Variants in WDFY4 observed in about 807,000 individuals in gnomAD.
WDFY4 encodes the protein WDFY family member 4, also known as WD repeat- and FYVE domain-containing protein 4.
A neutral mutation model predicts 351.9 loss-of-function variants in WDFY4; 169 were observed. The observed-to-expected ratio is 0.48, with a 90% CI of 0.42 to 0.55. WDFY4 has a LOEUF of 0.55. Ranked by LOEUF, WDFY4 falls within the 20% of genes least tolerant of loss-of-function variation. The pLI, the probability that WDFY4 is intolerant of heterozygous loss-of-function variation, is 0.00. For missense variants in WDFY4, 3,803 were observed against 3,935.6 expected (o/e 0.97, Z 0.90); for synonymous variants, 1,622 against 1,574.6 (o/e 1.03, Z -0.71).
chr10:48,804,850 G>T (rs2067200462), intron 25 of WDFY4: 3 of 929,298 alleles, frequency 3.2e-6, no homozygotes, highest in African/African-American at 3.6e-5. Context: ...TTTGTGGTTT[G>T]GGGCGGGCAG....
intron 24 of WDFY4, among the ~76,000 whole-genome samples, chr10:48,797,053 A>C (rs1360494275): frequency 6.6e-6 from 1 of 152,220 alleles, no homozygotes; most frequent in Non-Finnish European, 1.5e-5. Flanking sequence ...TAGCCAATGT[A>C]ACACTGCAAA....
At chr10:48,755,295 A>T (rs1319203892) in intron 12 of WDFY4, among the ~76,000 whole-genome samples, 3 of 152,122 alleles carry the variant, frequency 2.0e-5, no homozygotes, top group African/African-American at 7.2e-5. Flanking sequence ...GTAGGGATGC[A>T]AATGTTTCCT....
intron 39 of WDFY4, among the ~76,000 whole-genome samples, chr10:48,832,916 G>A (rs1295911889): frequency 6.6e-6 from 1 of 152,192 alleles, no homozygotes; most frequent in African/African-American, 2.4e-5. Context: ...ACTGGAGTCA[G>A]ATGTATTCAG....
At chr10:48,856,836 G>A (rs1446797337) in intron 39 of WDFY4, among the ~76,000 whole-genome samples, 1 of 152,110 alleles carries the variant, frequency 6.6e-6, no homozygotes, top group Non-Finnish European at 1.5e-5. Flanking sequence ...ATGCAATATA[G>A]AAAAATTATG....
chr10:48,743,635 G>A, intron 12 of WDFY4, 87 bp downstream of exon 12: 1 of 1,402,072 alleles, frequency 7.1e-7, no homozygotes, highest in Non-Finnish European at 9.5e-7. Context: ...CAGTAGGAAG[G>A]CTCAGCTACA....
intron 55 of WDFY4, 191 bp from the exon 56 acceptor site, chr10:48,968,873 T>C (rs990388891): frequency 2.1e-5 from 13 of 609,482 alleles, no homozygotes; most frequent in Non-Finnish European, 3.4e-5. Flanking sequence ...GTGGGTGCTG[T>C]CCTTCTGTGC....
intron 47 of WDFY4, among the ~76,000 whole-genome samples, chr10:48,920,532 A>C (rs1388056395): frequency 6.6e-6 from 1 of 152,236 alleles, no homozygotes; most frequent in African/African-American, 2.4e-5. Flanking sequence ...ACAATTGAAA[A>C]AAAAGAAAAA....
At chr10:48,689,865 A>G (rs901913597) in intron 1 of WDFY4, among the ~76,000 whole-genome samples, 2 of 152,240 alleles carry the variant, frequency 1.3e-5, no homozygotes, top group African/African-American at 4.8e-5. Context: ...AAGATGAGAT[A>G]AGTTTCATTA....
At chr10:48,786,211 A>G (rs1589604322) in intron 19 of WDFY4, among the ~76,000 whole-genome samples, 1 of 152,166 alleles carries the variant, frequency 6.6e-6, no homozygotes, top group Non-Finnish European at 1.5e-5. Context: ...TGCTGAATTC[A>G]CTTATTCTAG....
intron 39 of WDFY4, among the ~76,000 whole-genome samples, chr10:48,864,562 A>T (rs2069472279): frequency 6.6e-6 from 1 of 152,134 alleles, no homozygotes; most frequent in African/African-American, 2.4e-5. Context: ...TTGGTTTTGG[A>T]GGTCCCTTGT....
chr10:48,849,369 A>G (rs2068882322), intron 39 of WDFY4, among the ~76,000 whole-genome samples: 1 of 152,238 alleles, frequency 6.6e-6, no homozygotes. Flanking sequence ...TCCACCAGGC[A>G]GCTTTTCCAC....
At chr10:48,871,318 GTA>G (rs1297796857) in intron 40 of WDFY4, among the ~76,000 whole-genome samples, 3 of 152,174 alleles carry the variant, frequency 2.0e-5, no homozygotes, top group African/African-American at 7.2e-5. Flanking sequence ...ATGAAGCTCC[GTA>G]TGTTACTACA....
chr10:48,931,471 A>T (rs537369500), intron 47 of WDFY4, among the ~76,000 whole-genome samples: 1 of 152,204 alleles, frequency 6.6e-6, no homozygotes, highest in Admixed American at 6.5e-5. Context: ...GCCGTGCTAT[A>T]AACAACACGT....
rs540650396 is a variant in WDFY4 at position 48,833,590 on chromosome 10, C to T, written c.6663+881C>T. 2.6e-4 allele frequency among the ~76,000 whole-genome samples: 40 copies of T among 152,238 alleles called. No homozygotes were observed. The East Asian group carries it at 3.1e-3, about 12-fold the overall frequency. On this transcript the variant is annotated intron_variant, in intron 39 of 61. Coordinates refer to ENST00000325239, the MANE Select transcript of WDFY4 (RefSeq NM_001394531.1). ...ACTCCACCTTCTCATGGGGGAGTGA[C>T]GAGGTTCTGCAGGAACATGTGGGAC...
chr10:48,834,827 A>G (rs1369882032), intron 39 of WDFY4, among the ~76,000 whole-genome samples: 2 of 152,188 alleles, frequency 1.3e-5, no homozygotes, highest in African/African-American at 4.8e-5. Flanking sequence ...AGTCACTCTC[A>G]TTGATACAGC....
intron 43 of WDFY4, among the ~76,000 whole-genome samples, chr10:48,889,152 A>G (rs756421888): frequency 6.6e-6 from 1 of 152,248 alleles, no homozygotes; most frequent in African/African-American, 2.4e-5. Context: ...AGGTAGATTC[A>G]GAATAGACCA....
At chr10:48,721,739 C>G (rs2064094277) in intron 4 of WDFY4, among the ~76,000 whole-genome samples, 1 of 152,136 alleles carries the variant, frequency 6.6e-6, no homozygotes, top group Admixed American at 6.5e-5. Context: ...CAGACATCGT[C>G]AGTTAATCCT....
chr10:48,901,708 G>A (rs1259876979), intron 46 of WDFY4, 93 bp from the exon 47 acceptor site: 25 of 1,375,274 alleles, frequency 1.8e-5, no homozygotes, highest in Non-Finnish European at 2.5e-5. Flanking sequence ...GCAATAATGA[G>A]CCTAGCTTCC....
At chr10:48,841,797 C>T (rs61850378) in intron 39 of WDFY4, among the ~76,000 whole-genome samples, 2 of 152,304 alleles carry the variant, frequency 1.3e-5, no homozygotes, top group East Asian at 3.9e-4. Context: ...GATTAGGGGT[C>T]TTCCTGAAAC....
Sources: allele counts gnomAD v4.1 joint callset (sites outside exome capture counted in the v4.1 genomes callset), GRCh38; gene constraint gnomAD v4.1.1; transcripts MANE v1.5; gene names NCBI Gene and HGNC (gene_info 2026-07-23, HGNC 2026-07-21).